Variants in NRG1 observed in about 807,000 individuals in gnomAD.
NRG1 encodes pro-neuregulin-1, membrane-bound isoform.
Under a neutral mutation model 63.8 loss-of-function variants are expected in NRG1, and 18 were observed. That is an observed-to-expected ratio of 0.28 (90% CI 0.19 to 0.42). NRG1 has a LOEUF of 0.42. Ranked by LOEUF, NRG1 falls within the 10% of genes least tolerant of loss-of-function variation. The pLI, the probability that NRG1 is intolerant of heterozygous loss-of-function variation, is 1.00. For synonymous variants in NRG1, 302 were observed against 301.3 expected (o/e 1.00, Z -0.02); for missense variants, 762 against 814.7 (o/e 0.94, Z 0.79).
chr8:32,156,455 T>C (rs1391295318), intron 1 of NRG1, among the ~76,000 whole-genome samples: 1 of 152,236 alleles, frequency 6.6e-6, no homozygotes, highest in Non-Finnish European at 1.5e-5. Context: ...GAGTGTAAAC[T>C]CTATGATACT....
At chr8:31,891,407 T>C (rs1348315757) in intron 1 of NRG1, among the ~76,000 whole-genome samples, 1 of 152,086 alleles carries the variant, frequency 6.6e-6, no homozygotes, top group African/African-American at 2.4e-5. Context: ...CATTAACCAT[T>C]AAGAAAATGC....
chr8:31,731,286 T>G (rs551238125), intron 1 of NRG1, among the ~76,000 whole-genome samples: 42 of 152,254 alleles, frequency 2.8e-4, no homozygotes, highest in Non-Finnish European at 5.6e-4. Context: ...AGTCCACATG[T>G]CCAACTGAAG....
chr8:32,594,821 G>A (rs929516984), intron 1 of NRG1, among the ~76,000 whole-genome samples: 2 of 152,164 alleles, frequency 1.3e-5, no homozygotes, highest in African/African-American at 4.8e-5. Flanking sequence ...GTGAGTAGTG[G>A]TCATCTGGAA....
chr8:31,894,965 T>C (rs1236758837), intron 1 of NRG1, among the ~76,000 whole-genome samples: 2 of 152,180 alleles, frequency 1.3e-5, no homozygotes. Context: ...GACTTACATA[T>C]AACACCAGAA....
Position 31,972,210 on chromosome 8 carries a change from C to T in NRG1, c.37+332779C>T, listed in dbSNP as rs116524638. On this transcript the variant is annotated intron_variant, in intron 1 of 10. Coordinates refer to the NRG1 transcript ENST00000519301. ...ACAATTTACCCCTCCTTCTAACTCA[C>T]AAGGAGTTACAAGGCCCTGGAAATG... 8.0e-3 allele frequency among the ~76,000 whole-genome samples: 1,217 copies of T among 152,218 alleles called. 17 individuals carry two copies. Among genetic ancestry groups the T allele is most frequent in the African/African-American group, 0.028 (1,167 of 41,532 alleles).
chr8:31,902,137 A>T (rs1832137631), intron 1 of NRG1, among the ~76,000 whole-genome samples: 1 of 152,178 alleles, frequency 6.6e-6, no homozygotes, highest in South Asian at 2.1e-4. Flanking sequence ...CACTACTAGG[A>T]TGGTAAGAAT....
Position 32,487,571 on chromosome 8 carries a change from G to A in NRG1, c.38-108257G>A, listed in dbSNP as rs148014252. 2.1e-3 allele frequency among the ~76,000 whole-genome samples: 313 copies of A among 152,244 alleles called. 1 individual carries two copies. The highest frequency in any genetic ancestry group is 3.7e-3 in the Non-Finnish European group (252 of 68,018). The stretch of plus-strand genomic sequence containing the variant: ...GCCATTTCAGAGATAAGAGCCAACT[G>A]ATTTTAGAAATCCAAGAGCAAATGA... On this transcript the variant is annotated intron_variant, in intron 1 of 10. Coordinates refer to the NRG1 transcript ENST00000519301.
At chr8:32,644,108 T>C (rs1852973338) in intron 5 of NRG1, among the ~76,000 whole-genome samples, 1 of 152,114 alleles carries the variant, frequency 6.6e-6, no homozygotes. Context: ...ATGGACTGTA[T>C]GGGATTAGTG....
chr8:32,325,919 G>A (rs890088537), intron 1 of NRG1, among the ~76,000 whole-genome samples: 5 of 152,026 alleles, frequency 3.3e-5, no homozygotes, highest in Admixed American at 1.3e-4. Context: ...TGAGCACCAC[G>A]ATGCTGGCTA....
chr8:32,280,089 CT>C (rs1194222853), intron 1 of NRG1, among the ~76,000 whole-genome samples: 1 of 152,200 alleles, frequency 6.6e-6, no homozygotes, highest in Non-Finnish European at 1.5e-5. Context: ...TCAGTAAATG[CT>C]GATAAATTCC....
At position 32,616,831 on chromosome 8, in the gene NRG1, A is replaced by G. The variant is rs768503031; in HGVS notation, c.452-4A>G. 5.0e-6 allele frequency: 8 copies of G among 1,602,458 alleles called. No individual in the cohort carries two copies. The Admixed American group carries it at 5.0e-5, about 10-fold the overall frequency. ...AAGCCTCATTCCACTTTTATGTTTT[A>G]TAGAGTCTCCCATTAGAATATCAGT... On this transcript the variant is annotated splice_polypyrimidine_tract_variant and splice_region_variant and intron_variant, in intron 4 of 11. Transcript: ENST00000356819.
intron 5 of NRG1, among the ~76,000 whole-genome samples, chr8:32,683,820 A>G (rs1393429426): frequency 1.3e-5 from 2 of 151,416 alleles, no homozygotes; most frequent in Non-Finnish European, 2.9e-5. Flanking sequence ...CTCAACATGC[A>G]TTGTAGCCAG....
intron 1 of NRG1, among the ~76,000 whole-genome samples, chr8:32,108,257 C>T (rs1831539158): frequency 6.6e-6 from 1 of 152,118 alleles, no homozygotes; most frequent in African/African-American, 2.4e-5. Flanking sequence ...GCTGCTATAA[C>T]AAAATGCCTG....
intron 1 of NRG1, among the ~76,000 whole-genome samples, chr8:32,232,825 T>C (rs1006761492): frequency 5.3e-5 from 8 of 152,194 alleles, no homozygotes; most frequent in Non-Finnish European, 8.8e-5. Flanking sequence ...GATAAATTTC[T>C]TCTGTACTTT....
At chr8:32,470,951 T>C (rs1731418084) in intron 1 of NRG1, among the ~76,000 whole-genome samples, 5 of 152,148 alleles carry the variant, frequency 3.3e-5, no homozygotes, top group Admixed American at 3.3e-4. Flanking sequence ...GCGCATGCCA[T>C]CATGCGTGGC....
At chr8:32,296,885 G>C (rs1364442591) in intron 1 of NRG1, among the ~76,000 whole-genome samples, 1 of 152,180 alleles carries the variant, frequency 6.6e-6, no homozygotes, top group East Asian at 2.0e-4. Context: ...GGGAGGCCAA[G>C]GCGGGTGGAT....
intron 1 of NRG1, among the ~76,000 whole-genome samples, chr8:31,985,457 A>G (rs763848091): frequency 6.6e-6 from 1 of 152,126 alleles, no homozygotes; most frequent in Non-Finnish European, 1.5e-5. Flanking sequence ...TTTCATGGTC[A>G]CTAAAAGAAG....
At chr8:31,720,453 C>G (rs1461421983) in intron 1 of NRG1, among the ~76,000 whole-genome samples, 1 of 152,150 alleles carries the variant, frequency 6.6e-6, no homozygotes, top group African/African-American at 2.4e-5. Flanking sequence ...CATCCATTAG[C>G]TATTCTTCCT....
intron 1 of NRG1, among the ~76,000 whole-genome samples, chr8:32,533,532 G>C (rs1317519971): frequency 6.6e-6 from 1 of 152,044 alleles, no homozygotes; most frequent in South Asian, 2.1e-4. Flanking sequence ...GGATCAGGTA[G>C]AAGCTGAGAC....
Sources: allele counts gnomAD v4.1 joint callset (sites outside exome capture counted in the v4.1 genomes callset), GRCh38; gene constraint gnomAD v4.1.1; transcripts MANE v1.5; gene names NCBI Gene and HGNC (gene_info 2026-07-23, HGNC 2026-07-21).